Variants in SBNO2 observed in about 807,000 individuals in gnomAD.
SBNO2 encodes the protein protein strawberry notch homolog 2.
SBNO2 carries 89 observed loss-of-function variants against 146.3 expected under a neutral mutation model. The observed-to-expected ratio is 0.61, with a 90% CI of 0.51 to 0.73. SBNO2 has a LOEUF of 0.73. Ranked by LOEUF, SBNO2 falls within the 30% of genes least tolerant of loss-of-function variation. SBNO2 has a pLI of 0.00. For synonymous variants in SBNO2, 1,147 were observed against 892.6 expected (o/e 1.29, Z -5.08); for missense variants, 2,092 against 2,003.7 (o/e 1.04, Z -0.84).
chr19:1,118,368 A>T (rs1280040355), intron 14 of SBNO2, among the ~76,000 whole-genome samples: 1 of 152,044 alleles, frequency 6.6e-6, no homozygotes, highest in Non-Finnish European at 1.5e-5. Flanking sequence ...ACCATCGAAC[A>T]TACAGGGCTG....
chr19:1,151,942 C>T lies in SBNO2; in HGVS notation c.93+2242G>A, dbSNP rs543066303. ...CCTCCCAGAGTGCTGGGATTTCAGG[C>T]GTGAACCATTGTGCTGGCCGGTGTA... On this transcript the variant is annotated intron_variant, in intron 2 of 31. Transcript: ENST00000361757. 2.6e-4 allele frequency among the ~76,000 whole-genome samples: 40 copies of T among 152,294 alleles called. No individual in the cohort carries two copies. The South Asian group carries it at 5.2e-3, about 20-fold the overall frequency.
chr19:1,113,631 A>C lies in SBNO2; in HGVS notation c.2151T>G (p.Asp717Glu). The C allele has an allele frequency of 3.1e-6, 5 of 1,598,732 alleles. No individual in the cohort carries two copies. The highest frequency in any genetic ancestry group is 4.3e-6 in the Non-Finnish European group (5 of 1,174,206). ...CCAGCCGCCGCACTTTGTCCAGCAG[A>C]TCCTGCTTCAGCCGCTCCACCCGCT... is the stretch of plus-strand genomic sequence containing the variant. ...VLERVERLKQDLLDKVRRLGR... is the reference protein window; with the variant it reads ...VLERVERLKQELLDKVRRLGR... Residue 717 changes from aspartate to glutamate, a missense_variant, in exon 19 of 32, where the codon GAT becomes GAG. Physicochemically the swap from Asp to Glu is conservative, Grantham distance 45. Coordinates refer to ENST00000361757, the MANE Select transcript of SBNO2 (RefSeq NM_014963.3).
Position 1,140,123 on chromosome 19 carries a change from C to T in SBNO2, c.279+7186G>A, listed in dbSNP as rs1201799044. Among the ~76,000 whole-genome samples, 10 of 151,902 alleles carry T rather than the reference C, an allele frequency of 6.6e-5. No individual in the cohort carries two copies. The highest frequency in any genetic ancestry group is 2.4e-4 in the African/African-American group (10 of 41,334). On this transcript the variant is annotated intron_variant, in intron 4 of 31. Transcript: ENST00000361757. The surrounding 1 kb of genome is among the most constrained non-coding windows in gnomAD (Gnocchi z 4.4). ...GACCAGCCTGGCTAACACGGTGAAACCCCGTGTCCACTAAAAAACACAAAA... is the reference window on the plus strand; with the variant it reads ...GACCAGCCTGGCTAACACGGTGAAATCCCGTGTCCACTAAAAAACACAAAA...
intron 1 of SBNO2, among the ~76,000 whole-genome samples, chr19:1,160,973 G>A (rs540398030): frequency 8.1e-4 from 121 of 150,216 alleles, no homozygotes; most frequent in Middle Eastern, 3.4e-3. Flanking sequence ...GCCCGAGGAC[G>A]GAAAGAAAGG....
Position 1,108,331 on chromosome 19 carries a change from C to T in SBNO2, c.3990G>A (p.Glu1330=). The T allele has an allele frequency of 7.3e-7, 1 of 1,360,740 alleles. No individual in the cohort carries two copies. Among genetic ancestry groups the T allele is most frequent in the Non-Finnish European group, 9.5e-7 (1 of 1,054,970 alleles). The allele number at this position is 1,360,740 out of a possible 1,614,324, so 84.3% of individuals were successfully genotyped here. Residue 1330 remains glutamate, a synonymous_variant, in exon 32 of 32, where the codon GAG becomes GAA. Transcript: ENST00000361757. ...LRSLHAGPPS[E]GALGEGAGAG... Reference sequence around the variant, plus strand: ...CCCCCGCGCCCTCCCCCAGCGCGCCCTCGGAGGGCGGCCCCGCGTGCAGCG... The same window carrying T: ...CCCCCGCGCCCTCCCCCAGCGCGCCTTCGGAGGGCGGCCCCGCGTGCAGCG...
At position 1,158,866 on chromosome 19, in the gene SBNO2, G is replaced by A. The variant is rs1351546746; in HGVS notation, c.-126-4464C>T. Among the ~76,000 whole-genome samples the A allele has an allele frequency of 2.0e-5, 3 of 152,110 alleles. No individual in the cohort carries two copies. The highest frequency in any genetic ancestry group is 7.2e-5 in the African/African-American group (3 of 41,442). ...CTCCGGTGACCTCACAGCCGTGATGGCCTCCTGCAGCTGTGACCGCCGCCC... is the reference window on the plus strand; with the variant it reads ...CTCCGGTGACCTCACAGCCGTGATGACCTCCTGCAGCTGTGACCGCCGCCC... On this transcript the variant is annotated intron_variant, in intron 1 of 31. Transcript: ENST00000361757. This position sits in a 1 kb window ranked among gnomAD's most constrained non-coding sequence, Gnocchi z 9.9.
At chr19:1,128,538 AC>A (rs1377765406) in intron 4 of SBNO2, among the ~76,000 whole-genome samples, 1 of 151,712 alleles carries the variant, frequency 6.6e-6, no homozygotes, top group African/African-American at 2.4e-5. Context: ...GATTACAGGC[AC>A]GTGCCACCAC....
Position 1,132,314 on chromosome 19 carries a change from CG to C in SBNO2, c.280-4550del, listed in dbSNP as rs768156734. The C allele has an allele frequency of 6.6e-5, 86 of 1,298,222 alleles. 1 individual carries two copies. Among genetic ancestry groups the C allele is most frequent in the East Asian group, 6.6e-4 (21 of 31,766 alleles). 80.4% of individuals were successfully genotyped at this position (1,298,222 alleles called of 1,614,324 possible). ...CGCCGGCGCCTACTTCCTCTAAGGC[CG>C]GGGCTGACTTTCAGGAAATGATGCC... On this transcript the variant is annotated intron_variant, in intron 4 of 31. Transcript: ENST00000361757.
At chr19:1,146,763 AGGGTGG>A (rs1206579855) in intron 4 of SBNO2, among the ~76,000 whole-genome samples, 4 of 22,070 alleles carry the variant, frequency 1.8e-4, no homozygotes, top group African/African-American at 6.0e-4. Flanking sequence ...GGAGGCTGTG[AGGGTGG>A]GGGTGGGGTC....
intron 11 of SBNO2, among the ~76,000 whole-genome samples, chr19:1,120,851 T>C (rs2079892910): frequency 6.6e-6 from 1 of 151,770 alleles, no homozygotes; most frequent in Admixed American, 6.6e-5. Flanking sequence ...GTATTTTCAG[T>C]AGAGACGGGG....
At chr19:1,114,537 G>A in intron 17 of SBNO2, 115 bp from the exon 18 acceptor site, 10 of 853,404 alleles carry the variant, frequency 1.2e-5, no homozygotes, top group Non-Finnish European at 1.5e-5. Flanking sequence ...AGGTCCATCC[G>A]AGAACCCCCT....
In SBNO2 at chr19:1,173,047, C is replaced by T. The variant is rs954428342; in HGVS notation, c.-127+1125G>A. ...GTTAATCAGTTCATCCAGGGAGACA[C>T]CCACCGTCCCTGCCCCAGCACCATC... On this transcript the variant is annotated intron_variant, in intron 1 of 31. Transcript: ENST00000361757. This position sits in a 1 kb window ranked among gnomAD's most constrained non-coding sequence, Gnocchi z 4.7. Among the ~76,000 whole-genome samples the T allele has an allele frequency of 2.6e-5, 4 of 151,732 alleles. No individual in the cohort carries two copies. Among genetic ancestry groups the T allele is most frequent in the African/African-American group, 9.7e-5 (4 of 41,268 alleles).
chr19:1,127,343 GCCC>G (rs1038204735), intron 5 of SBNO2, among the ~76,000 whole-genome samples: 1 of 151,818 alleles, frequency 6.6e-6, no homozygotes, highest in Non-Finnish European at 1.5e-5. Context: ...CAGCATCCTG[GCCC>G]CCCCCAACTC....
At chr19:1,118,938 T>A in intron 14 of SBNO2, 73 bp downstream of exon 14, 1 of 1,477,578 alleles carries the variant, frequency 6.8e-7, no homozygotes, top group Non-Finnish European at 9.1e-7. Flanking sequence ...GCCTGTGGCA[T>A]CTGCAAGGCC....
At chr19:1,120,825 C>T (rs564798477) in intron 11 of SBNO2, among the ~76,000 whole-genome samples, 8 of 152,286 alleles carry the variant, frequency 5.3e-5, no homozygotes, top group Middle Eastern at 3.4e-3. Context: ...TGCGCCACCA[C>T]GCCCGGGTAA....
intron 4 of SBNO2, among the ~76,000 whole-genome samples, chr19:1,128,690 GC>G (rs1353079095): frequency 6.6e-6 from 1 of 150,732 alleles, no homozygotes; most frequent in African/African-American, 2.4e-5. Flanking sequence ...ACCGTGTCCG[GC>G]CACATGTGAT....
chr19:1,116,807 C>T, intron 16 of SBNO2, 22 bp downstream of exon 16: 1 of 1,559,250 alleles, frequency 6.4e-7, no homozygotes, highest in Admixed American at 1.9e-5. Flanking sequence ...GCCCACAGTC[C>T]TGTCCCCACC....
chr19:1,122,592 T>TGG, intron 9 of SBNO2, 34 bp from the exon 10 acceptor site: 6 of 1,455,558 alleles, frequency 4.1e-6, no homozygotes, highest in Non-Finnish European at 5.5e-6. Context: ...CGCCCACCCT[T>TGG]CCCCCTCGCC....
intron 23 of SBNO2, 129 bp from the exon 24 acceptor site, chr19:1,111,743 C>T: frequency 1.3e-6 from 1 of 748,572 alleles, no homozygotes; most frequent in Non-Finnish European, 2.2e-6. Context: ...TCCTAGACCC[C>T]ACCTCCCCCA....
Sources: gnomAD v4.1 joint callset for allele counts (sites outside exome capture counted in the v4.1 genomes callset) on GRCh38, gnomAD v4.1.1 for gene constraint, Gnocchi (gnomAD v3.1) non-coding constraint, MANE v1.5 for transcripts, NCBI Gene and HGNC (gene_info 2026-07-23, HGNC 2026-07-21) for gene names.